The following CEP63 variants were observed in gnomAD, a reference collection of about 807,000 sequenced individuals.
CEP63 encodes the protein centrosomal protein of 63 kDa.
CEP63 carries 84 observed loss-of-function variants against 89.1 expected under a neutral mutation model. The observed-to-expected ratio is 0.94, with a 90% confidence interval of 0.79 to 1.13. The LOEUF is 1.13. Ranked by LOEUF, CEP63 falls within the 50% of genes most tolerant of loss-of-function variation. The pLI, the probability that CEP63 is intolerant of heterozygous loss-of-function variation, is 0.00. For synonymous variants in CEP63, 267 were observed against 272.5 expected, an observed-to-expected ratio of 0.98 and a Z score of 0.20; for missense variants, 838 against 813.3, an observed-to-expected ratio of 1.03 and a Z score of -0.37.
the CEP63 span, chr3:134,601,046 G>A: frequency 6.6e-6 from 1 of 152,214 alleles, no homozygotes; most frequent in South Asian, 2.1e-4. Flanking sequence ...TTCCGCCGGC[G>A]ACTGGGACTC....
At chr3:134,621,400 A>C in the CEP63 span, among the ~76,000 whole-genome samples, 1 of 152,268 alleles carries the variant, frequency 6.6e-6, no homozygotes, top group Non-Finnish European at 1.5e-5. Flanking sequence ...CTGAGAGTCC[A>C]GAAATGGACC....
chr3:134,593,514 TC>T, the CEP63 span, among the ~76,000 whole-genome samples: 1 of 152,100 alleles, frequency 6.6e-6, no homozygotes, highest in Non-Finnish European at 1.5e-5. Flanking sequence ...AGGTGTGTGC[TC>T]TTAGCTGGCA....
At chr3:134,513,328 TGA>T (rs1319962414) in intron 3 of CEP63, among the ~76,000 whole-genome samples, 1 of 152,242 alleles carries the variant, frequency 6.6e-6, no homozygotes, top group African/African-American at 2.4e-5. Flanking sequence ...ATTGAAAGTT[TGA>T]CTGGCTGTAG....
the CEP63 span, chr3:134,625,120 C>G: frequency 6.3e-7 from 1 of 1,599,214 alleles, no homozygotes; most frequent in African/African-American, 1.3e-5. Context: ...CAGGCTAGAT[C>G]GATCCCAGGG....
At chr3:134,779,268 C>A in the CEP63 span, among the ~76,000 whole-genome samples, 5 of 152,260 alleles carry the variant, frequency 3.3e-5, no homozygotes, top group Admixed American at 6.5e-5. Flanking sequence ...TGAATATTGT[C>A]TTAGAAGTAT....
rs1162594528 is a variant in CEP63 at position 134,558,277 on chromosome 3, A to G, written c.1603A>G (p.Lys535Glu). 1 of 1,613,772 alleles carries G rather than the reference A, an allele frequency of 6.2e-7. No individual in the cohort carries two copies. The highest frequency in any genetic ancestry group is 8.5e-7 in the Non-Finnish European group (1 of 1,179,868). Residue 535 changes from lysine to glutamate, a missense_variant, in exon 13 of 15, where the codon AAA becomes GAA. Coordinates refer to ENST00000675561, the MANE Select transcript of CEP63 (RefSeq NM_001353108.3). ...SQLEISTQMC[K>E]KQNDRIFKPT... The stretch of plus-strand genomic sequence containing the variant: ...GCTGGAGATTTCTACTCAGATGTGC[A>G]AAAAACAAAATGACAGGATCTTTAA...
At chr3:134,648,116 T>G in the CEP63 span, among the ~76,000 whole-genome samples, 7 of 152,224 alleles carry the variant, frequency 4.6e-5, no homozygotes, top group African/African-American at 7.2e-5. Flanking sequence ...GTCGAGTTCC[T>G]GGCACAGCAT....
chr3:134,628,237 T>A, the CEP63 span: 3 of 185,784 alleles, frequency 1.6e-5, no homozygotes, highest in South Asian at 3.7e-4. Context: ...GGGAAAGCAG[T>A]TCGTGTGAAG....
At chr3:134,647,551 T>C in the CEP63 span, 1 of 1,120,836 alleles carries the variant, frequency 8.9e-7, no homozygotes, top group Non-Finnish European at 1.3e-6. Context: ...AAGAGTGATG[T>C]ACCAGTTGCA....
At chr3:134,673,293 C>A in the CEP63 span, among the ~76,000 whole-genome samples, 4 of 152,190 alleles carry the variant, frequency 2.6e-5, no homozygotes, top group Non-Finnish European at 5.9e-5. Context: ...CCAACCACAA[C>A]CTGACGTCCC....
At chr3:134,606,762 C>A in the CEP63 span, among the ~76,000 whole-genome samples, 1 of 152,152 alleles carries the variant, frequency 6.6e-6, no homozygotes, top group East Asian at 1.9e-4. Flanking sequence ...AAATAAAGGA[C>A]TAGCCACCCC....
At chr3:134,781,438 A>G in the CEP63 span, among the ~76,000 whole-genome samples, 1 of 152,206 alleles carries the variant, frequency 6.6e-6, no homozygotes, top group Non-Finnish European at 1.5e-5. Context: ...TTTTATTGCC[A>G]TTAAAATGCT....
At chr3:134,626,871 C>A in the CEP63 span, among the ~76,000 whole-genome samples, 3 of 152,304 alleles carry the variant, frequency 2.0e-5, no homozygotes, top group South Asian at 6.2e-4. Context: ...CCCTGCTGAG[C>A]CTTGCCTCTT....
At chr3:134,557,756 G>A (rs1175688816) in intron 12 of CEP63, among the ~76,000 whole-genome samples, 1 of 152,068 alleles carries the variant, frequency 6.6e-6, no homozygotes, top group Non-Finnish European at 1.5e-5. Flanking sequence ...TTCTTTCCTT[G>A]AACTAGGTCT....
chr3:134,623,064 C>T, the CEP63 span, among the ~76,000 whole-genome samples: 5 of 152,216 alleles, frequency 3.3e-5, no homozygotes, highest in Non-Finnish European at 7.3e-5. Context: ...CTCCCAGGGC[C>T]CCGAATGGTA....
the CEP63 span, among the ~76,000 whole-genome samples, chr3:134,719,895 C>T: frequency 5.3e-5 from 8 of 152,204 alleles, no homozygotes; most frequent in African/African-American, 1.2e-4. Context: ...TTGGGTTGTT[C>T]CTACTTTTCA....
chr3:134,651,252 C>A, the CEP63 span: 1 of 1,220,734 alleles, frequency 8.2e-7, no homozygotes, highest in Non-Finnish European at 1.0e-6. Flanking sequence ...CAGGGGCGGC[C>A]GGTCCAGAGC....
At chr3:134,485,991 G>GCCCCCCCCCCC (rs5852785), upstream of CEP63, 169 of 940,368 alleles carry the variant, frequency 1.8e-4, 5 homozygotes, top group African/African-American at 1.8e-3. Context: ...CTCCTGCCAC[G>GCCCCCCCCCCC]CCCCCCCCCC....
In CEP63 at chr3:134,531,763, A is replaced by G. The variant is rs915977069; in HGVS notation, c.223-82A>G. ...AGAACTTGAATTTACAAATAAATAC[A>G]GAGATTATTTTCTATTTTTATATCT... On this transcript the variant is annotated intron_variant, in intron 3 of 14. Transcript: ENST00000675561. 1.5e-5 allele frequency: 16 copies of G among 1,035,660 alleles called. No homozygotes were observed. In the East Asian group the frequency reaches 3.9e-4, roughly 25 times the overall value. 64.2% of individuals were successfully genotyped at this position (1,035,660 alleles called of 1,614,324 possible).
Sources: gnomAD v4.1 joint callset for allele counts (sites outside exome capture counted in the v4.1 genomes callset) on GRCh38, gnomAD v4.1.1 for gene constraint, MANE v1.5 for transcripts, NCBI Gene and HGNC (gene_info 2026-07-23, HGNC 2026-07-21) for gene names.